CCSER1: variants seen among roughly 807,000 people sequenced by gnomAD.
The protein encoded by CCSER1 is coiled-coil serine rich protein 1, also known as serine-rich coiled-coil domain-containing protein 1.
In CCSER1, 41 loss-of-function variants were observed where a neutral mutation model predicts 82.0. The ratio of observed to expected loss-of-function variants is 0.50; its 90% CI spans 0.39 to 0.65. The LOEUF is 0.65. CCSER1 is among the 30% of genes least tolerant of loss of function. The pLI, the probability that CCSER1 is intolerant of heterozygous loss-of-function variation, is 0.00. For synonymous variants in CCSER1, 414 were observed against 383.9 expected, an observed-to-expected ratio of 1.08 and a Z score of -0.92; for missense variants, 1,119 against 1,064.2, an observed-to-expected ratio of 1.05 and a Z score of -0.72.
chr4:90,273,271 AGAAT>A (rs1164165235), intron 1 of CCSER1, among the ~76,000 whole-genome samples: 3 of 152,110 alleles, frequency 2.0e-5, no homozygotes, highest in South Asian at 4.1e-4. Flanking sequence ...ACAGAAAAGT[AGAAT>A]GAATGAATGA....
Position 90,400,636 on chromosome 4 carries a change from CACAT to C in CCSER1, c.1603+509_1603+512del, listed in dbSNP as rs570486539. On this transcript the variant is annotated intron_variant, in intron 4 of 10. Coordinates refer to ENST00000509176, the MANE Select transcript of CCSER1 (RefSeq NM_001145065.2). ...ATGCACACTCATAAACATATACACA[CACAT>C]AGAGTTAGAGAGGAGGTAAATAAGT... Among the ~76,000 whole-genome samples, 6 of 152,200 alleles carry C rather than the reference CACAT, an allele frequency of 3.9e-5. No individual in the cohort carries two copies. The South Asian group carries it at 1.0e-3, about 26-fold the overall frequency.
chr4:91,405,040 G>T (rs1388268784), intron 10 of CCSER1, among the ~76,000 whole-genome samples: 1 of 152,166 alleles, frequency 6.6e-6, no homozygotes, highest in Non-Finnish European at 1.5e-5. Context: ...AAGTCTCTTT[G>T]TAGGTCTCTA....
At chr4:91,318,324 G>A (rs1031643757) in intron 10 of CCSER1, among the ~76,000 whole-genome samples, 1 of 151,904 alleles carries the variant, frequency 6.6e-6, no homozygotes, top group Non-Finnish European at 1.5e-5. Context: ...AGTCTGTAAA[G>A]TTTCATTATT....
At chr4:90,954,452 A>T (rs1733226566) in intron 9 of CCSER1, among the ~76,000 whole-genome samples, 1 of 152,008 alleles carries the variant, frequency 6.6e-6, no homozygotes, top group Admixed American at 6.6e-5. Context: ...TTCACTAGGT[A>T]TTTGTTTCAT....
chr4:91,219,308 CTTTTTTTTTTT>C (rs59884169), intron 10 of CCSER1, among the ~76,000 whole-genome samples: 1 of 99,896 alleles, frequency 1.0e-5, no homozygotes, highest in Non-Finnish European at 1.9e-5. Context: ...TACAGTTTGG[CTTTTTTTTTTT>C]TTTTTTTTTT....
At chr4:91,418,208 A>C (rs1753481019) in intron 10 of CCSER1, among the ~76,000 whole-genome samples, 1 of 151,840 alleles carries the variant, frequency 6.6e-6, no homozygotes, top group South Asian at 2.1e-4. Context: ...CAAAGTTAGC[A>C]TCAGGAAAGA....
chr4:90,312,493 T>G (rs115760460), intron 2 of CCSER1, among the ~76,000 whole-genome samples: 36 of 152,206 alleles, frequency 2.4e-4, no homozygotes, highest in Non-Finnish European at 3.2e-4. Flanking sequence ...GAGAGGCAGA[T>G]GAGAGTAGGC....
At chr4:91,440,206 T>C (rs71397806) in intron 10 of CCSER1, among the ~76,000 whole-genome samples, 4 of 152,122 alleles carry the variant, frequency 2.6e-5, no homozygotes, top group Admixed American at 6.6e-5. Flanking sequence ...ATAGACCACA[T>C]AGTTGGAGGT....
At chr4:90,621,122 A>C (rs573469295) in intron 5 of CCSER1, among the ~76,000 whole-genome samples, 1 of 152,164 alleles carries the variant, frequency 6.6e-6, no homozygotes, top group African/African-American at 2.4e-5. Flanking sequence ...CCCGGCCACC[A>C]GTGTTTTTTA....
At chr4:90,986,956 G>A (rs1396319513) in intron 9 of CCSER1, among the ~76,000 whole-genome samples, 2 of 151,574 alleles carry the variant, frequency 1.3e-5, no homozygotes, top group Non-Finnish European at 3.0e-5. Flanking sequence ...AGGGTTTATG[G>A]ACCTCGGGTT....
chr4:91,276,724 C>A (rs1198852717), intron 10 of CCSER1, among the ~76,000 whole-genome samples: 1 of 151,974 alleles, frequency 6.6e-6, no homozygotes, highest in Non-Finnish European at 1.5e-5. Flanking sequence ...TTGTTTTGTT[C>A]CAGTTCTTAG....
intron 3 of CCSER1, among the ~76,000 whole-genome samples, chr4:90,329,793 A>T (rs954138003): frequency 5.9e-5 from 9 of 152,196 alleles, no homozygotes; most frequent in Non-Finnish European, 1.3e-4. Context: ...AAACTGGGAA[A>T]AAAGCATCTG....
At chr4:91,449,234 G>A (rs1356696370) in intron 10 of CCSER1, among the ~76,000 whole-genome samples, 1 of 151,956 alleles carries the variant, frequency 6.6e-6, no homozygotes, top group African/African-American at 2.4e-5. Flanking sequence ...CTATGCTCCT[G>A]AAGCAGATGT....
chr4:90,422,985 T>C (rs1250160949), intron 4 of CCSER1, among the ~76,000 whole-genome samples: 1 of 152,200 alleles, frequency 6.6e-6, no homozygotes, highest in Non-Finnish European at 1.5e-5. Context: ...GGAAGTCTCT[T>C]TTGTTTTCTC....
rs111719394 is a variant in CCSER1, at chr4:91,424,814, A to G, written c.2218-173758A>G. 5.5e-3 allele frequency among the ~76,000 whole-genome samples: 838 copies of G among 152,206 alleles called. 10 individuals are homozygous for G. Among genetic ancestry groups the G allele is most frequent in the African/African-American group, 0.019 (809 of 41,514 alleles). On this transcript the variant is annotated intron_variant, in intron 10 of 10. Coordinates refer to ENST00000509176, the MANE Select transcript of CCSER1 (RefSeq NM_001145065.2). ...AATATCTTTCCGAGTATAGGTGATT[A>G]ATAGCTATTGTTTAATTGGTGTGAG...
intron 5 of CCSER1, among the ~76,000 whole-genome samples, chr4:90,542,177 C>A (rs577583768): frequency 6.6e-6 from 1 of 151,836 alleles, no homozygotes; most frequent in Non-Finnish European, 1.5e-5. Context: ...ATTTAAAAGC[C>A]TTTTGATGGG....
At chr4:91,200,509 G>A (rs969075513) in intron 10 of CCSER1, among the ~76,000 whole-genome samples, 1 of 152,034 alleles carries the variant, frequency 6.6e-6, no homozygotes, top group African/African-American at 2.4e-5. Context: ...CAGCATTTAC[G>A]TGGATTTGTA....
intron 8 of CCSER1, among the ~76,000 whole-genome samples, chr4:90,826,677 T>C (rs1438956961): frequency 1.3e-5 from 2 of 152,152 alleles, no homozygotes; most frequent in Non-Finnish European, 2.9e-5. Flanking sequence ...ACAGTTAAGA[T>C]TGAGAGGAAA....
At chr4:90,820,982 T>A (rs1434969093) in intron 8 of CCSER1, among the ~76,000 whole-genome samples, 1 of 152,162 alleles carries the variant, frequency 6.6e-6, no homozygotes, top group Non-Finnish European at 1.5e-5. Context: ...ACTACTTCTT[T>A]GGAAAATAAA....
Sources: gnomAD v4.1 joint callset for allele counts (sites outside exome capture counted in the v4.1 genomes callset) on GRCh38, gnomAD v4.1.1 for gene constraint, MANE v1.5 for transcripts, NCBI Gene and HGNC (gene_info 2026-07-23, HGNC 2026-07-21) for gene names.